The following PRKN variants were observed in gnomAD, a reference collection of about 807,000 sequenced individuals.
PRKN encodes parkin RBR E3 ubiquitin protein ligase, also known as E3 ubiquitin-protein ligase parkin.
In PRKN, 56 loss-of-function variants were observed where a neutral mutation model predicts 59.5. The ratio of observed to expected loss-of-function variants is 0.94; its 90% CI spans 0.76 to 1.18. The LOEUF (loss-of-function observed/expected upper bound fraction) is 1.18. PRKN is among the 50% of genes most tolerant of loss of function. The pLI is 0.00. For synonymous variants in PRKN, 250 were observed against 222.1 expected (o/e 1.13, Z -1.12); for missense variants, 657 against 596.4 (o/e 1.10, Z -1.06).
chr6:162,136,602 C>G (rs990980775), intron 4 of PRKN, among the ~76,000 whole-genome samples: 5 of 152,206 alleles, frequency 3.3e-5, no homozygotes, highest in African/African-American at 1.2e-4. Flanking sequence ...AAAATGGGGT[C>G]TATGCCTCCT....
At chr6:161,849,529 C>T (rs1793338438) in intron 6 of PRKN, among the ~76,000 whole-genome samples, 1 of 152,138 alleles carries the variant, frequency 6.6e-6, no homozygotes, top group Non-Finnish European at 1.5e-5. Context: ...TCAAGTTAAG[C>T]CCTGCCCCCA....
intron 1 of PRKN, among the ~76,000 whole-genome samples, chr6:162,503,136 CTTTTTTTTTT>C (rs10629175): frequency 1.2e-5 from 1 of 81,120 alleles, no homozygotes; most frequent in Non-Finnish European, 2.3e-5. Context: ...GTCTTCATTT[CTTTTTTTTTT>C]TTTTTTTTTT....
intron 4 of PRKN, among the ~76,000 whole-genome samples, chr6:162,073,737 G>T (rs1778688636): frequency 6.6e-6 from 1 of 152,194 alleles, no homozygotes; most frequent in South Asian, 2.1e-4. Flanking sequence ...CAGGCTTGAT[G>T]CCCTGCCCTC....
At chr6:161,943,840 C>T (rs1562407152) in intron 6 of PRKN, among the ~76,000 whole-genome samples, 1 of 150,570 alleles carries the variant, frequency 6.6e-6, no homozygotes, top group Non-Finnish European at 1.5e-5. Flanking sequence ...AAGGATCAGC[C>T]TGAGGGATCA....
At chr6:161,450,868 T>C (rs1481725002) in intron 9 of PRKN, among the ~76,000 whole-genome samples, 1 of 152,162 alleles carries the variant, frequency 6.6e-6, no homozygotes, top group Admixed American at 6.5e-5. Context: ...TTTCTTAATT[T>C]AATTAAAATT....
chr6:162,569,379 C>T (rs1562394293), intron 1 of PRKN: 9 of 654,496 alleles, frequency 1.4e-5, no homozygotes, highest in East Asian at 1.2e-4. Flanking sequence ...CAGGACATGG[C>T]GTGGCAGCTG....
intron 6 of PRKN, among the ~76,000 whole-genome samples, chr6:161,874,028 T>TA (rs1402580969): frequency 0.013 from 354 of 27,870 alleles, 1 homozygote; most frequent in Non-Finnish European, 0.021. Context: ...ATGTAAAATA[T>TA]ATATAAAATA....
intron 1 of PRKN, among the ~76,000 whole-genome samples, chr6:162,651,083 G>C (rs147025700): frequency 1.0e-3 from 158 of 152,280 alleles, no homozygotes; most frequent in African/African-American, 3.7e-3. Context: ...TTATTATCCT[G>C]TGAGGGTTAG....
At chr6:161,516,217 G>T (rs1490966745) in intron 9 of PRKN, among the ~76,000 whole-genome samples, 1 of 151,612 alleles carries the variant, frequency 6.6e-6, no homozygotes, top group Non-Finnish European at 1.5e-5. Context: ...GGAGGCTGAG[G>T]TGGGTGGGTC....
At chr6:161,713,437 C>A (rs1786837197) in intron 7 of PRKN, among the ~76,000 whole-genome samples, 1 of 152,088 alleles carries the variant, frequency 6.6e-6, no homozygotes. Context: ...TCTGGAGGCT[C>A]TCTAGGGGGT....
At chr6:162,627,155 T>C (rs1782928655) in intron 1 of PRKN, among the ~76,000 whole-genome samples, 1 of 152,028 alleles carries the variant, frequency 6.6e-6, no homozygotes, top group African/African-American at 2.4e-5. Flanking sequence ...GCCCTGAAAA[T>C]GATGGACAAT....
intron 7 of PRKN, among the ~76,000 whole-genome samples, chr6:161,723,608 C>A (rs116679918): frequency 1.8e-3 from 271 of 152,246 alleles, no homozygotes; most frequent in African/African-American, 6.3e-3. Flanking sequence ...GAAAGAAAGA[C>A]AGACACTTTC....
intron 1 of PRKN, among the ~76,000 whole-genome samples, chr6:162,507,231 A>G (rs757155753): frequency 1.5e-4 from 23 of 152,122 alleles, no homozygotes; most frequent in Admixed American, 6.5e-5. Flanking sequence ...CATTTCCACT[A>G]TGCTGGCTCC....
At chr6:162,475,639 A>C (rs1791970344) in intron 1 of PRKN, among the ~76,000 whole-genome samples, 1 of 152,196 alleles carries the variant, frequency 6.6e-6, no homozygotes, top group Admixed American at 6.5e-5. Flanking sequence ...AAATCAAGAG[A>C]CACAAGCACA....
At chr6:161,916,779 CTTTAAT>C (rs1239782799) in intron 6 of PRKN, among the ~76,000 whole-genome samples, 2 of 152,096 alleles carry the variant, frequency 1.3e-5, no homozygotes, top group African/African-American at 2.4e-5. Context: ...CGACGTTAGT[CTTTAAT>C]TTTAATTTTT....
chr6:162,583,335 A>T (rs1189068786), intron 1 of PRKN, among the ~76,000 whole-genome samples: 3 of 152,238 alleles, frequency 2.0e-5, no homozygotes, highest in African/African-American at 7.2e-5. Context: ...AGAAAGAGGT[A>T]TAGGGTTTAG....
intron 5 of PRKN, among the ~76,000 whole-genome samples, chr6:162,052,802 C>T (rs1244231919): frequency 2.0e-5 from 3 of 150,172 alleles, no homozygotes; most frequent in Admixed American, 1.3e-4. Flanking sequence ...ATAAACCCAT[C>T]GGTTTGTACT....
In PRKN at chr6:161,352,975, T is replaced by A. The variant is rs1375081437; in HGVS notation, c.1286-2764A>T. Among the ~76,000 whole-genome samples, 1 of 151,914 alleles carries A rather than the reference T, an allele frequency of 6.6e-6. No homozygotes were observed. Among genetic ancestry groups the A allele is most frequent in the Non-Finnish European group, 1.5e-5 (1 of 67,972 alleles). ...TTGTATTTTTAGTAGAGACGGGGTT[T>A]CACCATGTTGACCAGGCTGGTCTCA... On this transcript the variant is annotated intron_variant, in intron 11 of 11. Coordinates refer to ENST00000366898, the MANE Select transcript of PRKN (RefSeq NM_004562.3). The surrounding 1 kb of genome is among the most constrained non-coding windows in gnomAD (Gnocchi z 5.8).
intron 7 of PRKN, among the ~76,000 whole-genome samples, chr6:161,664,034 A>G (rs1045681380): frequency 1.3e-5 from 2 of 152,278 alleles, no homozygotes; most frequent in East Asian, 3.9e-4. Flanking sequence ...TCTTGCCCCT[A>G]AACCCCTTTG....
Sources: gnomAD v4.1 joint callset for allele counts (sites outside exome capture counted in the v4.1 genomes callset) on GRCh38, gnomAD v4.1.1 for gene constraint, Gnocchi (gnomAD v3.1) non-coding constraint, MANE v1.5 for transcripts, NCBI Gene and HGNC (gene_info 2026-07-23, HGNC 2026-07-21) for gene names.